FRAS1: variants seen among roughly 807,000 people sequenced by gnomAD.
The protein encoded by FRAS1 is extracellular matrix organizing protein FRAS1.
FRAS1 carries 290 observed loss-of-function variants against 435.2 expected under a neutral mutation model. That is an observed-to-expected ratio of 0.67 (90% confidence interval 0.61 to 0.73). The LOEUF is 0.73. Among genes scored for constraint, FRAS1 ranks in the 30% least tolerant of loss-of-function variants. The probability of loss-of-function intolerance (pLI) is 0.00; values close to 1 mark genes in which losing one functional copy is unlikely to be tolerated. For missense variants in FRAS1, 4,860 were observed against 5,001.5 expected (o/e 0.97, Z 0.85); for synonymous variants, 1,800 against 1,851.0 (o/e 0.97, Z 0.71).
intron 20 of FRAS1, among the ~76,000 whole-genome samples, chr4:78,355,658 G>T (rs1363433769): frequency 6.6e-6 from 1 of 152,206 alleles, no homozygotes; most frequent in Non-Finnish European, 1.5e-5. Context: ...TGCTAGAGTG[G>T]TGGGTTGGAA....
chr4:78,185,321 C>G (rs1174369697), intron 2 of FRAS1, among the ~76,000 whole-genome samples: 2 of 152,130 alleles, frequency 1.3e-5, no homozygotes, highest in South Asian at 2.1e-4. Context: ...TTGGCTTCAG[C>G]TTTGTTAAAG....
chr4:78,453,062 G>A (rs1420701510), intron 47 of FRAS1, among the ~76,000 whole-genome samples: 2 of 152,168 alleles, frequency 1.3e-5, no homozygotes, highest in Non-Finnish European at 2.9e-5. Context: ...CAATTTAACT[G>A]AAGCACATAT....
At chr4:78,383,703 A>C (rs1277203289) in intron 27 of FRAS1, among the ~76,000 whole-genome samples, 2 of 152,240 alleles carry the variant, frequency 1.3e-5, no homozygotes, top group African/African-American at 4.8e-5. Flanking sequence ...AGACTATAAA[A>C]GATTCCTTTC....
intron 2 of FRAS1, among the ~76,000 whole-genome samples, chr4:78,215,436 T>C (rs1723725047): frequency 6.6e-6 from 1 of 152,182 alleles, no homozygotes; most frequent in Non-Finnish European, 1.5e-5. Context: ...CCTCGTGATC[T>C]GCCTGCCTTG....
chr4:78,295,044 G>A (rs1728083733), intron 14 of FRAS1, among the ~76,000 whole-genome samples: 1 of 151,572 alleles, frequency 6.6e-6, no homozygotes, highest in South Asian at 2.1e-4. Context: ...TCTATTTACA[G>A]TTTTATTGCT....
At chr4:78,115,200 G>A (rs1225221026) in intron 2 of FRAS1, among the ~76,000 whole-genome samples, 3 of 151,378 alleles carry the variant, frequency 2.0e-5, no homozygotes, top group East Asian at 1.9e-4. Context: ...TGGTGGATAC[G>A]CTTATTGATG....
At chr4:78,135,278 T>C (rs1186846058) in intron 2 of FRAS1, among the ~76,000 whole-genome samples, 2 of 152,204 alleles carry the variant, frequency 1.3e-5, no homozygotes, top group African/African-American at 4.8e-5. Flanking sequence ...TAATTTTCTC[T>C]TTTTCCTGCC....
chr4:78,315,500 A>T (rs752860864), intron 15 of FRAS1, 94 bp from the exon 16 acceptor site: 17 of 1,271,282 alleles, frequency 1.3e-5, no homozygotes, highest in Non-Finnish European at 1.8e-5. Flanking sequence ...AGATTATGAT[A>T]TTGATACCCA....
At chr4:78,070,650 T>C (rs1332334031) in intron 2 of FRAS1, 1 of 152,198 alleles carries the variant, frequency 6.6e-6, no homozygotes, top group Non-Finnish European at 1.5e-5. Context: ...ACCTAGGTAA[T>C]AGGTTTAACT....
chr4:78,069,204 T>C (rs1324600043), intron 2 of FRAS1, among the ~76,000 whole-genome samples: 2 of 152,322 alleles, frequency 1.3e-5, no homozygotes, highest in East Asian at 1.9e-4. Context: ...CTGTCCATTT[T>C]ATGGATGAGG....
rs190059377 is a variant in FRAS1 at position 78,176,884 on chromosome 4, C to T, written c.109-60626C>T. ...AGGTTGAGACCAATTAGCTAACTCA[C>T]ATCAATGGGTACTACCATTCAACCT... is the stretch of plus-strand genomic sequence containing the variant. On this transcript the variant is annotated intron_variant, in intron 2 of 73. Transcript: ENST00000512123. 6.0e-4 allele frequency among the ~76,000 whole-genome samples: 92 copies of T among 152,334 alleles called. 1 individual carries two copies. The highest frequency in any genetic ancestry group is 2.2e-3 in the African/African-American group (90 of 41,570).
chr4:78,306,589 C>T (rs1169912250), intron 14 of FRAS1, among the ~76,000 whole-genome samples: 2 of 140,168 alleles, frequency 1.4e-5, no homozygotes, highest in Admixed American at 1.5e-4. Flanking sequence ...TCTAAACTTC[C>T]CTTCTCGCTT....
chr4:78,149,238 C>T (rs1241287341), intron 2 of FRAS1, among the ~76,000 whole-genome samples: 1 of 152,196 alleles, frequency 6.6e-6, no homozygotes, highest in Admixed American at 6.5e-5. Context: ...CCTGAGCATT[C>T]TTGGCAGTGA....
chr4:78,389,058 GCT>G (rs1732343610), intron 29 of FRAS1, among the ~76,000 whole-genome samples: 1 of 152,058 alleles, frequency 6.6e-6, no homozygotes, highest in Non-Finnish European at 1.5e-5. Context: ...TTGTCCATAT[GCT>G]ACTGAAAATG....
intron 37 of FRAS1, among the ~76,000 whole-genome samples, chr4:78,430,664 G>A (rs954685305): frequency 6.6e-6 from 1 of 152,072 alleles, no homozygotes; most frequent in Non-Finnish European, 1.5e-5. Context: ...AACTATAGGT[G>A]AAATGGGTGA....
rs952176130 is a variant in FRAS1, at chr4:78,518,462, T to A, written c.10390-869T>A. Reference sequence around the variant, plus strand: ...TATATATATATATATATTTATTTATTTATTTATTTGTGGAAAAAAGTATAA... The same window carrying A: ...TATATATATATATATATTTATTTATATATTTATTTGTGGAAAAAAGTATAA... On this transcript the variant is annotated intron_variant, in intron 66 of 73. Transcript: ENST00000512123. Among the ~76,000 whole-genome samples, 207 of 99,576 alleles carry A rather than the reference T, an allele frequency of 2.1e-3. 1 individual carries two copies. The highest frequency in any genetic ancestry group is 6.1e-3 in the African/African-American group (163 of 26,918). 65.3% of individuals were successfully genotyped at this position (99,576 alleles called of 152,430 possible). A position where few individuals can be genotyped will look rare whatever the true frequency, so the allele number is the denominator to read the frequency against.
intron 9 of FRAS1, among the ~76,000 whole-genome samples, chr4:78,274,448 A>AT (rs1239747677): frequency 3.3e-5 from 5 of 152,116 alleles, no homozygotes; most frequent in Non-Finnish European, 7.4e-5. Flanking sequence ...TCTTGTGGGC[A>AT]TTTAGTGCTA....
At chr4:78,305,831 G>T (rs1728683038) in intron 14 of FRAS1, among the ~76,000 whole-genome samples, 1 of 151,742 alleles carries the variant, frequency 6.6e-6, no homozygotes, top group South Asian at 2.1e-4. Context: ...GCCAGTCTGT[G>T]TCTTTTAATT....
At chr4:78,263,787 CAG>C (rs1262824921) in intron 6 of FRAS1, among the ~76,000 whole-genome samples, 1 of 152,086 alleles carries the variant, frequency 6.6e-6, no homozygotes. Context: ...CAACCTAAAA[CAG>C]AGAAAATAGT....
Sources: allele counts gnomAD v4.1 joint callset (sites outside exome capture counted in the v4.1 genomes callset), GRCh38; gene constraint gnomAD v4.1.1; transcripts MANE v1.5; gene names NCBI Gene and HGNC (gene_info 2026-07-23, HGNC 2026-07-21).